The following SGSM1 variants were observed in gnomAD, a reference collection of about 807,000 sequenced individuals.
The protein encoded by SGSM1 is small G protein signaling modulator 1.
In SGSM1, 73 loss-of-function variants were observed where a neutral mutation model predicts 133.8. The observed-to-expected ratio is 0.55, with a 90% CI of 0.45 to 0.66. The LOEUF (loss-of-function observed/expected upper bound fraction) is 0.66. Ranked by LOEUF, SGSM1 falls within the 30% of genes least tolerant of loss-of-function variation. The probability of loss-of-function intolerance (pLI) is 0.00; values close to 1 mark genes in which losing one functional copy is unlikely to be tolerated. For missense variants in SGSM1, 1,213 were observed against 1,448.1 expected (o/e 0.84, Z 2.64); for synonymous variants, 563 against 573.0 (o/e 0.98, Z 0.25).
At chr22:24,826,791 T>C (rs1310257909) in intron 2 of SGSM1, among the ~76,000 whole-genome samples, 1 of 152,156 alleles carries the variant, frequency 6.6e-6, no homozygotes, top group African/African-American at 2.4e-5. Context: ...TTCTGGGGGC[T>C]ACCTCTTTTC....
chr22:24,919,065 T>TC (rs1249012608), intron 23 of SGSM1, among the ~76,000 whole-genome samples: 2 of 104,016 alleles, frequency 1.9e-5, no homozygotes, highest in African/African-American at 8.1e-5. Flanking sequence ...TTTTTTTTTT[T>TC]CGAGATGAAG....
chr22:24,892,509 C>T (rs1203767285), intron 16 of SGSM1, among the ~76,000 whole-genome samples: 2 of 152,038 alleles, frequency 1.3e-5, no homozygotes, highest in Admixed American at 6.6e-5. Context: ...GGAAAGGAAG[C>T]GGGTTGGTTT....
At chr22:24,913,645 A>C (rs1933714943) in intron 22 of SGSM1, among the ~76,000 whole-genome samples, 1 of 152,228 alleles carries the variant, frequency 6.6e-6, no homozygotes, top group African/African-American at 2.4e-5. Flanking sequence ...AAAATACTAC[A>C]AAGTATTTTG....
intron 14 of SGSM1, among the ~76,000 whole-genome samples, chr22:24,880,375 C>T (rs980004091): frequency 6.6e-6 from 1 of 152,124 alleles, no homozygotes; most frequent in African/African-American, 2.4e-5. Flanking sequence ...CTCAGGTGAT[C>T]CACCCACCTC....
intron 16 of SGSM1, among the ~76,000 whole-genome samples, chr22:24,888,377 A>G (rs1220432456): frequency 1.3e-5 from 2 of 152,048 alleles, no homozygotes; most frequent in Non-Finnish European, 2.9e-5. Context: ...TGTGTCATTT[A>G]GGTCAAAGTT....
intron 3 of SGSM1, among the ~76,000 whole-genome samples, chr22:24,847,023 G>A (rs1452828436): frequency 1.3e-5 from 2 of 151,912 alleles, no homozygotes; most frequent in Non-Finnish European, 2.9e-5. Flanking sequence ...TATATTTTTA[G>A]TAGAGGCGGG....
chr22:24,907,973 A>G (rs890533571), intron 21 of SGSM1, among the ~76,000 whole-genome samples: 5 of 151,850 alleles, frequency 3.3e-5, no homozygotes, highest in African/African-American at 7.3e-5. Flanking sequence ...TTCAAAACCT[A>G]CTACAAAGAT....
At chr22:24,869,767 GGGT>G (rs1931674929) in intron 12 of SGSM1, among the ~76,000 whole-genome samples, 2 of 152,132 alleles carry the variant, frequency 1.3e-5, no homozygotes, top group South Asian at 4.2e-4. Context: ...CATGAGATGG[GGGT>G]GAATTCAAGC....
chr22:24,912,317 C>T (rs985838974), intron 21 of SGSM1, among the ~76,000 whole-genome samples: 2 of 152,184 alleles, frequency 1.3e-5, no homozygotes, highest in South Asian at 2.1e-4. Context: ...GAGGAAACCA[C>T]GTGTGGGGTG....
At chr22:24,866,819 C>T (rs1329652213) in intron 9 of SGSM1, among the ~76,000 whole-genome samples, 1 of 152,188 alleles carries the variant, frequency 6.6e-6, no homozygotes, top group African/African-American at 2.4e-5. Flanking sequence ...AGGCCTGGGT[C>T]AGGTGGCCAT....
chr22:24,916,030 C>T lies in SGSM1; in HGVS notation c.2929-1628C>T, dbSNP rs113247136. On this transcript the variant is annotated intron_variant, in intron 22 of 24. Coordinates refer to ENST00000400358, the MANE Select transcript of SGSM1 (RefSeq NM_001098497.3). ...AGCATATCCAATAGCTGGAGGTATTCGTCCACCATCTGTTTTTTTTTATAA... is the reference window on the plus strand; with the variant it reads ...AGCATATCCAATAGCTGGAGGTATTTGTCCACCATCTGTTTTTTTTTATAA... Among the ~76,000 whole-genome samples, 513 of 120,832 alleles carry T rather than the reference C, an allele frequency of 4.2e-3. 3 individuals carry two copies. The highest frequency in any genetic ancestry group is 0.016 in the African/African-American group (468 of 29,584). The allele number at this position is 120,832 out of a possible 152,430, so 79.3% of individuals were successfully genotyped here. A position where few individuals can be genotyped will look rare whatever the true frequency, so the allele number is the denominator to read the frequency against.
At chr22:24,911,879 C>A (rs1439245161) in intron 21 of SGSM1, among the ~76,000 whole-genome samples, 2 of 151,918 alleles carry the variant, frequency 1.3e-5, no homozygotes, top group African/African-American at 4.8e-5. Context: ...ACGGTGAAAC[C>A]CCGTCTCTAC....
At chr22:24,817,240 G>C (rs980780768) in intron 2 of SGSM1, among the ~76,000 whole-genome samples, 6 of 152,170 alleles carry the variant, frequency 3.9e-5, no homozygotes, top group Non-Finnish European at 7.3e-5. Context: ...TGTACTATGT[G>C]CCAGGTGATT....
intron 8 of SGSM1, among the ~76,000 whole-genome samples, chr22:24,858,552 C>T (rs539124533): frequency 5.9e-5 from 9 of 151,596 alleles, no homozygotes; most frequent in Admixed American, 2.6e-4. Flanking sequence ...AGAAGAATCA[C>T]CTAAATCCGG....
In SGSM1 at chr22:24,898,205, G is replaced by A. The variant is rs1045707589; in HGVS notation, c.2256G>A (p.Arg752=). ...ACACCCCCACGGTGCTGCGACCTAG[G>A]GATGGCAGCGTGGATGACAGGCAGA... ...QRNTPTVLRP[R]DGSVDDRQSS... Residue 752 remains arginine (R), a synonymous_variant, in exon 19 of 25, where the codon AGG becomes AGA. Transcript: ENST00000400358. 4.3e-6 allele frequency: 7 copies of A among 1,613,544 alleles called. No homozygotes were observed. The highest frequency in any genetic ancestry group is 1.1e-5 in the South Asian group (1 of 91,068).
chr22:24,923,988 G>C (rs1187347933), intron 24 of SGSM1, among the ~76,000 whole-genome samples, 198 bp from the exon 25 acceptor site: 1 of 152,106 alleles, frequency 6.6e-6, no homozygotes, highest in Non-Finnish European at 1.5e-5. Context: ...CAGTAACTTG[G>C]TGAGGTGGCT....
At position 24,897,976 on chromosome 22, in the gene SGSM1, T is replaced by G. The variant is rs772592836; in HGVS notation, c.2027T>G (p.Phe676Cys). The change falls in exon 19 of 25, where the codon TTT becomes TGT. Residue 676 changes from phenylalanine to cysteine, a missense_variant. By Grantham distance (205) the Phe-to-Cys change is radical. Transcript: ENST00000400358. ...TTTTGTGCACCTTGTCCTCAGGTGT[T>G]TGAGTCTGTGGATGAGGTGGAGCAG... is the stretch of plus-strand genomic sequence containing the variant. Reference protein sequence around the residue: ...HSDSSSSTQVFESVDEVEQVE... With the variant: ...HSDSSSSTQVCESVDEVEQVE... The G allele has an allele frequency of 3.1e-6, 5 of 1,593,444 alleles. No homozygotes were observed. In the South Asian group the frequency reaches 4.5e-5, roughly 14 times the overall value.
chr22:24,892,446 C>A (rs1024131813), intron 16 of SGSM1, among the ~76,000 whole-genome samples: 8 of 152,118 alleles, frequency 5.3e-5, no homozygotes, highest in Non-Finnish European at 8.8e-5. Flanking sequence ...TTGCTGAATC[C>A]CACAAGGAAA....
intron 8 of SGSM1, among the ~76,000 whole-genome samples, chr22:24,856,768 C>CTT (rs113036395): frequency 8.6e-5 from 12 of 139,374 alleles, no homozygotes; most frequent in South Asian, 4.8e-4. Flanking sequence ...AGTTTCTTTT[C>CTT]TTTTTTTTTT....
Sources: allele counts gnomAD v4.1 joint callset (sites outside exome capture counted in the v4.1 genomes callset), GRCh38; gene constraint gnomAD v4.1.1; transcripts MANE v1.5; gene names NCBI Gene and HGNC (gene_info 2026-07-23, HGNC 2026-07-21).